MECOM: variants seen among roughly 807,000 people sequenced by gnomAD.
MECOM encodes histone-lysine N-methyltransferase MECOM.
Under a neutral mutation model 116.3 loss-of-function variants are expected in MECOM, and 13 were observed. The observed-to-expected ratio is 0.11, with a 90% CI of 0.07 to 0.18. MECOM has a LOEUF of 0.18. MECOM is among the 10% of genes least tolerant of loss of function. The probability of loss-of-function intolerance (pLI) is 1.00; values close to 1 mark genes in which losing one functional copy is unlikely to be tolerated. For synonymous variants in MECOM, 528 were observed against 535.2 expected, an observed-to-expected ratio of 0.99 and a Z score of 0.19; for missense variants, 1,299 against 1,509.0, an observed-to-expected ratio of 0.86 and a Z score of 2.31.
chr3:169,166,097 A>G (rs901958812), intron 2 of MECOM, among the ~76,000 whole-genome samples: 3 of 152,160 alleles, frequency 2.0e-5, no homozygotes, highest in African/African-American at 7.2e-5. Context: ...GTTCATCTTA[A>G]TAGCTTCCCA....
intron 1 of MECOM, among the ~76,000 whole-genome samples, chr3:169,455,674 A>G (rs958276587): frequency 6.6e-6 from 1 of 152,182 alleles, no homozygotes; most frequent in Non-Finnish European, 1.5e-5. Context: ...AACAAACCCA[A>G]CTACAAGCCA....
At chr3:169,140,130 C>T (rs918011013) in intron 3 of MECOM, among the ~76,000 whole-genome samples, 3 of 151,906 alleles carry the variant, frequency 2.0e-5, no homozygotes, top group Admixed American at 2.0e-4. Context: ...ATTTCCTTAA[C>T]CAACTCTCTG....
chr3:169,622,397 A>G (rs1253285122), intron 1 of MECOM, among the ~76,000 whole-genome samples: 1 of 152,134 alleles, frequency 6.6e-6, no homozygotes, highest in African/African-American at 2.4e-5. Flanking sequence ...CCAGCCGCCA[A>G]CAGAATCAGT....
chr3:169,225,864 T>C (rs1003812466), intron 2 of MECOM, among the ~76,000 whole-genome samples: 1 of 152,164 alleles, frequency 6.6e-6, no homozygotes, highest in Non-Finnish European at 1.5e-5. Flanking sequence ...TGCCTCGGCC[T>C]CCCAAAGTGC....
At chr3:169,580,793 G>A (rs1765040337) in intron 1 of MECOM, among the ~76,000 whole-genome samples, 2 of 152,134 alleles carry the variant, frequency 1.3e-5, no homozygotes, top group South Asian at 2.1e-4. Flanking sequence ...AATCAATATA[G>A]AGTCATCACA....
intron 2 of MECOM, among the ~76,000 whole-genome samples, chr3:169,345,762 TAA>T (rs1321060455): frequency 6.6e-6 from 1 of 152,130 alleles, no homozygotes; most frequent in Non-Finnish European, 1.5e-5. Context: ...CACACAAAAT[TAA>T]TAGACAGTTT....
In MECOM at chr3:169,131,444, C is replaced by T; in HGVS notation, c.598G>A (p.Ala200Thr). The T allele has an allele frequency of 6.2e-7, 1 of 1,613,954 alleles. No homozygotes were observed. Reference protein sequence around the residue: ...KSEDYPHETMAPDIHEERQYR... With the variant: ...KSEDYPHETMTPDIHEERQYR... ...TGGTACTAACCGTGGATATCCGGCG[C>T]CATAGTTTCATGGGGATAGTCTTCG... The change falls in exon 4 of 17, where the codon GCG becomes ACG. Residue 200 changes from alanine (A) to threonine (T), a missense_variant. Coordinates refer to ENST00000651503, the MANE Select transcript of MECOM (RefSeq NM_004991.4).
At chr3:169,421,268 A>G (rs923713500) in intron 1 of MECOM, among the ~76,000 whole-genome samples, 1 of 152,158 alleles carries the variant, frequency 6.6e-6, no homozygotes, top group Non-Finnish European at 1.5e-5. Context: ...TTTAAAATGT[A>G]TTATCTTCTT....
intron 2 of MECOM, among the ~76,000 whole-genome samples, chr3:169,144,177 T>C (rs1739002969): frequency 1.3e-5 from 2 of 152,184 alleles, no homozygotes; most frequent in African/African-American, 4.8e-5. Flanking sequence ...TTTCTAAACA[T>C]TACAGTCAAT....
intron 1 of MECOM, among the ~76,000 whole-genome samples, chr3:169,510,275 C>G (rs554974292): frequency 2.0e-5 from 3 of 152,296 alleles, no homozygotes; most frequent in African/African-American, 7.2e-5. Flanking sequence ...CCCCCACCCC[C>G]CTTATTTCCT....
At chr3:169,118,332 C>G (rs1729848220) in intron 7 of MECOM, among the ~76,000 whole-genome samples, 1 of 152,128 alleles carries the variant, frequency 6.6e-6, no homozygotes, top group African/African-American at 2.4e-5. Context: ...CTGTAACATG[C>G]ATTTTAATGG....
At chr3:169,280,241 T>C (rs901206120) in intron 2 of MECOM, among the ~76,000 whole-genome samples, 1 of 152,238 alleles carries the variant, frequency 6.6e-6, no homozygotes, top group African/African-American at 2.4e-5. Flanking sequence ...TGCTCTGCAA[T>C]TTCCATGCAT....
At chr3:169,468,932 G>A (rs114329106) in intron 1 of MECOM, among the ~76,000 whole-genome samples, 4 of 152,182 alleles carry the variant, frequency 2.6e-5, no homozygotes, top group Non-Finnish European at 5.9e-5. Flanking sequence ...TAATTCCATT[G>A]TAATCATGGT....
intron 2 of MECOM, among the ~76,000 whole-genome samples, chr3:169,202,819 CAAAAAAAAAAA>C (rs11287862): frequency 1.9e-4 from 17 of 90,262 alleles, no homozygotes; most frequent in East Asian, 8.4e-4. Flanking sequence ...TTGCCATTAG[CAAAAAAAAAAA>C]AAAAAAAAAA....
At chr3:169,279,455 G>A (rs1436963219) in intron 2 of MECOM, among the ~76,000 whole-genome samples, 2 of 152,206 alleles carry the variant, frequency 1.3e-5, no homozygotes, top group African/African-American at 4.8e-5. Context: ...GGGAGGAAAA[G>A]AGGAGGGAAA....
chr3:169,239,217 G>A (rs1453958468), intron 2 of MECOM, among the ~76,000 whole-genome samples: 1 of 151,986 alleles, frequency 6.6e-6, no homozygotes, highest in Non-Finnish European at 1.5e-5. Flanking sequence ...TTTTCTTAAA[G>A]GTAATCAAAA....
intron 2 of MECOM, among the ~76,000 whole-genome samples, chr3:169,298,245 G>A (rs986199648): frequency 2.6e-5 from 4 of 151,860 alleles, no homozygotes; most frequent in East Asian, 1.9e-4. Flanking sequence ...AAACAGAATG[G>A]AAATCGATAT....
chr3:169,539,289 A>G lies in MECOM; in HGVS notation c.37+124047T>C, dbSNP rs532243770. Among the ~76,000 whole-genome samples, 6 of 152,244 alleles carry G rather than the reference A, an allele frequency of 3.9e-5. No individual in the cohort carries two copies. The East Asian group carries it at 1.2e-3, about 29-fold the overall frequency. On this transcript the variant is annotated intron_variant, in intron 1 of 16. Coordinates refer to ENST00000651503, the MANE Select transcript of MECOM (RefSeq NM_004991.4). ...TGATTCATTTGCCTGTGTATCCTCA[A>G]AAGATTTTATTAATACTAAAGAGCC...
chr3:169,557,171 C>T (rs1348963795), intron 1 of MECOM, among the ~76,000 whole-genome samples: 1 of 152,128 alleles, frequency 6.6e-6, no homozygotes, highest in Non-Finnish European at 1.5e-5. Flanking sequence ...AGTCAGGGTA[C>T]CTAATGTTAC....
Sources: gnomAD v4.1 joint callset for allele counts (sites outside exome capture counted in the v4.1 genomes callset) on GRCh38, gnomAD v4.1.1 for gene constraint, MANE v1.5 for transcripts, NCBI Gene and HGNC (gene_info 2026-07-23, HGNC 2026-07-21) for gene names.